Variants in DNAH5 observed in about 807,000 individuals in gnomAD.
DNAH5 encodes axonemal beta dynein heavy chain 5.
A neutral mutation model predicts 518.2 loss-of-function variants in DNAH5; 372 were observed. The ratio of observed to expected loss-of-function variants is 0.72; its 90% CI spans 0.66 to 0.78. The LOEUF is 0.78. DNAH5 is among the 30% of genes least tolerant of loss of function. The pLI is 0.00. For missense variants in DNAH5, 5,523 were observed against 5,687.0 expected, an observed-to-expected ratio of 0.97 and a Z score of 0.93; for synonymous variants, 2,039 against 2,025.9, an observed-to-expected ratio of 1.01 and a Z score of -0.17.
At chr5:13,728,590 C>T (rs969301418) in intron 69 of DNAH5, among the ~76,000 whole-genome samples, 1 of 151,912 alleles carries the variant, frequency 6.6e-6, no homozygotes, top group South Asian at 2.1e-4. Flanking sequence ...GGGAATAACC[C>T]GAAAGAATGG....
At chr5:13,724,953 A>G (rs2652770) in intron 70 of DNAH5, among the ~76,000 whole-genome samples, 64,926 of 152,092 alleles carry the variant, frequency 0.43, 14,041 homozygotes, top group Middle Eastern at 0.49. Context: ...CCAGTCTCAG[A>G]TATTTATTTA....
intron 72 of DNAH5, among the ~76,000 whole-genome samples, chr5:13,718,414 C>T (rs1476688068): frequency 2.6e-5 from 4 of 152,158 alleles, no homozygotes; most frequent in Admixed American, 6.5e-5. Flanking sequence ...GCCAAGAGAG[C>T]GACCTCAGCC....
In DNAH5 at chr5:13,923,270, T is replaced by C. The variant is rs1232350879; in HGVS notation, c.438+10A>G. 2 of 1,614,150 alleles carry C rather than the reference T, an allele frequency of 1.2e-6. No individual in the cohort carries two copies. On this transcript the variant is annotated intron_variant, in intron 4 of 78. Coordinates refer to ENST00000265104, the MANE Select transcript of DNAH5 (RefSeq NM_001369.3). ...GTAATTCAGAGTAAACAATGGCTCT[T>C]GCCCCTTACCTGGTGGATGTTGTCA...
In DNAH5 at chr5:13,771,109, G is replaced by C. The variant is rs147940498; in HGVS notation, c.9374-129C>G. 48 of 788,456 alleles carry C rather than the reference G, an allele frequency of 6.1e-5. No individual in the cohort carries two copies. The African/African-American group carries it at 7.6e-4, about 12-fold the overall frequency. 48.8% of individuals were successfully genotyped at this position (788,456 alleles called of 1,614,324 possible). A position where few individuals can be genotyped will look rare whatever the true frequency, so the allele number is the denominator to read the frequency against. On this transcript the variant is annotated intron_variant, in intron 55 of 78. Coordinates refer to ENST00000265104, the MANE Select transcript of DNAH5 (RefSeq NM_001369.3). ...CCATTTTTGTAGCCCCAGCTAGGTA[G>C]ATCTGTGTCAGCATTTTTGGCCCCA...
rs540642814 is a variant in DNAH5 at position 13,939,626 on chromosome 5, T to C, written c.57+4756A>G. Among the ~76,000 whole-genome samples the C allele has an allele frequency of 2.0e-5, 3 of 152,226 alleles. No individual in the cohort carries two copies. The South Asian group carries it at 6.2e-4, about 32-fold the overall frequency. On this transcript the variant is annotated intron_variant, in intron 1 of 78. Transcript: ENST00000265104. ...CCGGCCTCTCTCAGAGAGAAGAGGC[T>C]GCTCTGTGATGCTTCCCAGCCCAGC...
At chr5:13,989,385 GA>G (rs200806487) in intron 1 of DNAH5, among the ~76,000 whole-genome samples, 5 of 136,496 alleles carry the variant, frequency 3.7e-5, no homozygotes, top group Admixed American at 1.4e-4. Flanking sequence ...GTTGTAAAAT[GA>G]AAAAAAAAAT....
At chr5:13,768,740 C>T (rs1752874332) in intron 58 of DNAH5, among the ~76,000 whole-genome samples, 1 of 152,090 alleles carries the variant, frequency 6.6e-6, no homozygotes, top group Non-Finnish European at 1.5e-5. Flanking sequence ...TATGGCATTG[C>T]CCAACATTGA....
At chr5:13,710,285 CA>C (rs1475936988) in intron 75 of DNAH5, among the ~76,000 whole-genome samples, 1 of 152,140 alleles carries the variant, frequency 6.6e-6, no homozygotes, top group East Asian at 1.9e-4. Context: ...ATCAAGGGAA[CA>C]CCCTGTGGGA....
chr5:13,924,438 G>A (rs1337343737), intron 3 of DNAH5, among the ~76,000 whole-genome samples: 6 of 152,138 alleles, frequency 3.9e-5, no homozygotes, highest in Admixed American at 3.9e-4. Context: ...CACCTTGGGA[G>A]GCCGAGGCGG....
intron 35 of DNAH5, among the ~76,000 whole-genome samples, chr5:13,836,398 T>C (rs61092582): frequency 0.018 from 2,670 of 152,264 alleles, 88 homozygotes; most frequent in African/African-American, 0.058. Context: ...GGCAGTTCTA[T>C]GTTTAAAGGT....
intron 57 of DNAH5, 101 bp downstream of exon 57, chr5:13,769,400 G>A (rs1411552906): frequency 3.9e-6 from 4 of 1,030,508 alleles, no homozygotes; most frequent in South Asian, 3.8e-5. Context: ...GGAAGTTAAT[G>A]TATACTTCAC....
intron 75 of DNAH5, among the ~76,000 whole-genome samples, chr5:13,709,733 G>A (rs1369806550): frequency 6.6e-6 from 1 of 152,152 alleles, no homozygotes; most frequent in East Asian, 1.9e-4. Context: ...TGCCCCAACT[G>A]CAGAAGTGGG....
intron 61 of DNAH5, 46 bp from the exon 62 acceptor site, chr5:13,754,384 T>C (rs1750694674): frequency 1.2e-6 from 2 of 1,610,684 alleles, no homozygotes; most frequent in Non-Finnish European, 1.7e-6. Flanking sequence ...GAAATAAACA[T>C]AGCCACTGGC....
At position 13,850,779 on chromosome 5, in the gene DNAH5, C is replaced by A; in HGVS notation, c.4987G>T (p.Val1663Leu). The change falls in exon 31 of 79, where the codon GTG becomes TTG. Residue 1663 changes from valine to leucine, a missense_variant. Physicochemically the swap from Val to Leu is conservative, Grantham distance 32 (BLOSUM62 1). Transcript: ENST00000265104. Reference protein sequence around the residue: ...KRFSNIDKSWVKIMTRAHEVP... With the variant: ...KRFSNIDKSWLKIMTRAHEVP... ...TCATGTGCCCGAGTCATGATCTTCA[C>A]CCAAGATTTATCTATGTTAGAAAAC... The A allele has an allele frequency of 6.2e-7, 1 of 1,614,152 alleles. No individual in the cohort carries two copies. The highest frequency in any genetic ancestry group is 8.5e-7 in the Non-Finnish European group (1 of 1,180,026).
intron 9 of DNAH5, among the ~76,000 whole-genome samples, chr5:13,915,140 CAAAAATCCTCAG>C (rs766613288): frequency 2.0e-5 from 3 of 152,042 alleles, no homozygotes; most frequent in Non-Finnish European, 4.4e-5. Flanking sequence ...CCAAACTTCA[CAAAAATCCTCAG>C]AAATGTATTA....
chr5:13,787,688 C>T (rs1412769605), intron 51 of DNAH5, among the ~76,000 whole-genome samples: 4 of 145,146 alleles, frequency 2.8e-5, no homozygotes, highest in African/African-American at 5.0e-5. Context: ...AAATTACATA[C>T]ATTTTAATTA....
chr5:13,788,937 G>A (rs1756508415), intron 50 of DNAH5, 23 bp from the exon 51 acceptor site: 1 of 1,605,856 alleles, frequency 6.2e-7, no homozygotes, highest in Non-Finnish European at 8.5e-7. Context: ...TAATTAAAAT[G>A]TGTTAGTAAT....
intron 66 of DNAH5, among the ~76,000 whole-genome samples, chr5:13,736,555 T>C (rs1747476304): frequency 6.6e-6 from 1 of 152,024 alleles, no homozygotes. Context: ...CCACCATGCC[T>C]GGCTAATTTT....
chr5:13,759,808 G>A (rs1751527137), intron 60 of DNAH5, among the ~76,000 whole-genome samples: 1 of 152,106 alleles, frequency 6.6e-6, no homozygotes, highest in Admixed American at 6.6e-5. Flanking sequence ...TTTATAAAGT[G>A]TTAATATTGA....
Sources: allele counts gnomAD v4.1 joint callset (sites outside exome capture counted in the v4.1 genomes callset), GRCh38; gene constraint gnomAD v4.1.1; transcripts MANE v1.5; gene names NCBI Gene and HGNC (gene_info 2026-07-23, HGNC 2026-07-21).